Variants in SYT10 observed in about 807,000 individuals in gnomAD.
SYT10 encodes synaptotagmin 10, also known as synaptotagmin-10.
In SYT10, 31 loss-of-function variants were observed where a neutral mutation model predicts 51.1. The observed-to-expected ratio is 0.61, with a 90% CI of 0.46 to 0.82. The LOEUF (loss-of-function observed/expected upper bound fraction) is 0.82, where lower values mean the gene tolerates loss of function less well. SYT10 is among the 40% of genes least tolerant of loss of function. The probability of loss-of-function intolerance (pLI) is 0.00; values close to 1 mark genes in which losing one functional copy is unlikely to be tolerated. For missense variants in SYT10, 603 were observed against 634.0 expected (o/e 0.95, Z 0.53); for synonymous variants, 233 against 225.9 (o/e 1.03, Z -0.28).
intron 1 of SYT10, among the ~76,000 whole-genome samples, chr12:33,433,289 C>T (rs1204554708): frequency 2.0e-5 from 3 of 152,168 alleles, no homozygotes; most frequent in Admixed American, 1.3e-4. Context: ...TGACTCTCAG[C>T]TCTTTTTCAG....
rs1034313231 is a variant in SYT10 at position 33,374,604 on chromosome 12, A to T, written c.*2226T>A. Reference sequence around the variant, plus strand: ...AAACCTACCTCCTGAATTACATGAAAGATGAGTTGTGGTGAATTTCCTCTC... The same window carrying T: ...AAACCTACCTCCTGAATTACATGAATGATGAGTTGTGGTGAATTTCCTCTC... On this transcript the variant is annotated 3_prime_UTR_variant, in exon 7 of 7. Coordinates refer to ENST00000228567, the MANE Select transcript of SYT10 (RefSeq NM_198992.4). The T allele has an allele frequency of 6.6e-6, 1 of 151,990 alleles. No homozygotes were observed. The highest frequency in any genetic ancestry group is 2.4e-5 in the African/African-American group (1 of 41,454). The allele number at this position is 151,990 out of a possible 1,614,324, so 9.4% of individuals were successfully genotyped here.
chr12:33,439,278 G>A lies in SYT10; in HGVS notation c.151+94C>T, dbSNP rs1017101232. 2.2e-4 allele frequency: 327 copies of A among 1,465,680 alleles called. 3 individuals carry two copies. Among genetic ancestry groups the A allele is most frequent in the Admixed American group, 4.8e-4 (22 of 45,506 alleles). The allele number at this position is 1,465,680 out of a possible 1,614,324, so 90.8% of individuals were successfully genotyped here. On this transcript the variant is annotated intron_variant, in intron 1 of 6. Coordinates refer to ENST00000228567, the MANE Select transcript of SYT10 (RefSeq NM_198992.4). ...GCGTGGCGCCCCAAATATGCCGCGGGAGCGGCGCGGGAGGCGCAGAACCCC... is the reference window on the plus strand; with the variant it reads ...GCGTGGCGCCCCAAATATGCCGCGGAAGCGGCGCGGGAGGCGCAGAACCCC...
chr12:33,389,386 A>G (rs572408726), intron 3 of SYT10, among the ~76,000 whole-genome samples: 2 of 152,336 alleles, frequency 1.3e-5, no homozygotes, highest in South Asian at 2.1e-4. Flanking sequence ...TAAAATGAAG[A>G]CTATAATAAG....
chr12:33,399,256 A>G (rs1240963479), intron 3 of SYT10, among the ~76,000 whole-genome samples: 1 of 152,226 alleles, frequency 6.6e-6, no homozygotes, highest in East Asian at 1.9e-4. Flanking sequence ...TATCACTGGA[A>G]GCACATATCG....
chr12:33,405,037 C>A (rs1461892154), intron 3 of SYT10: 1 of 152,000 alleles, frequency 6.6e-6, no homozygotes, highest in Non-Finnish European at 1.5e-5. Context: ...AAATCACAAT[C>A]TCCTAGTCGA....
chr12:33,409,928 T>C (rs904694916), intron 2 of SYT10, among the ~76,000 whole-genome samples: 4 of 152,122 alleles, frequency 2.6e-5, no homozygotes, highest in African/African-American at 9.7e-5. Flanking sequence ...CATGACAGCA[T>C]TTAGGAATTT....
chr12:33,420,287 A>G (rs1206852031), intron 2 of SYT10, among the ~76,000 whole-genome samples: 1 of 152,160 alleles, frequency 6.6e-6, no homozygotes, highest in Non-Finnish European at 1.5e-5. Flanking sequence ...CATCATAAAC[A>G]TTTACTAGGA....
intron 2 of SYT10, among the ~76,000 whole-genome samples, chr12:33,412,664 C>T (rs1866417031): frequency 6.6e-6 from 1 of 152,074 alleles, no homozygotes; most frequent in African/African-American, 2.4e-5. Context: ...AAAGGACATC[C>T]ACACCAAAAC....
chr12:33,415,221 A>G (rs772137823), intron 2 of SYT10, among the ~76,000 whole-genome samples: 7 of 152,204 alleles, frequency 4.6e-5, no homozygotes, highest in Non-Finnish European at 7.3e-5. Flanking sequence ...GTTCTTTTAC[A>G]GTTTTTGAGA....
At chr12:33,425,266 T>G (rs1866540795) in intron 2 of SYT10, among the ~76,000 whole-genome samples, 1 of 152,128 alleles carries the variant, frequency 6.6e-6, no homozygotes. Flanking sequence ...AAGAGACCAT[T>G]GATTTTACCC....
intron 2 of SYT10, among the ~76,000 whole-genome samples, chr12:33,413,113 C>T (rs538282900): frequency 3.9e-5 from 6 of 151,914 alleles, no homozygotes; most frequent in East Asian, 3.9e-4. Flanking sequence ...TGAAATGAAG[C>T]GAGAAGAGAA....
chr12:33,409,600 G>T (rs11052685), intron 2 of SYT10, among the ~76,000 whole-genome samples: 1 of 150,830 alleles, frequency 6.6e-6, no homozygotes, highest in African/African-American at 2.5e-5. Flanking sequence ...TGCGAGCTCC[G>T]CCTCCCAGGT....
chr12:33,384,452 T>C (rs1343676), intron 4 of SYT10, among the ~76,000 whole-genome samples: 66,514 of 151,844 alleles, frequency 0.44, 15,463 homozygotes, highest in Middle Eastern at 0.56. Context: ...TATTTCTGTT[T>C]ACTACAACAA....
At chr12:33,437,866 G>A (rs752889922) in intron 1 of SYT10, among the ~76,000 whole-genome samples, 1 of 152,058 alleles carries the variant, frequency 6.6e-6, no homozygotes, top group African/African-American at 2.4e-5. Context: ...CTTCCACTGA[G>A]TTTCATACAC....
intron 3 of SYT10, among the ~76,000 whole-genome samples, chr12:33,400,764 G>A (rs966454188): frequency 2.6e-5 from 4 of 152,094 alleles, no homozygotes; most frequent in Admixed American, 6.6e-5. Context: ...GGTGGCTCAC[G>A]CCTGTAATCC....
intron 3 of SYT10, among the ~76,000 whole-genome samples, chr12:33,392,985 T>TAAAAAAAAAAAAAAAAAAAA (rs71068378): frequency 3.4e-5 from 2 of 59,088 alleles, no homozygotes; most frequent in Non-Finnish European, 5.4e-5. Flanking sequence ...TTTTTGCCAT[T>TAAAAAAAAAAAAAAAAAAAA]AAAAAAAAAA....
chr12:33,387,684 A>G (rs567332789), intron 3 of SYT10, among the ~76,000 whole-genome samples: 47 of 152,310 alleles, frequency 3.1e-4, no homozygotes, highest in Admixed American at 2.5e-3. Flanking sequence ...AGAGGGTTGA[A>G]GAAAAACAGA....
intron 3 of SYT10, among the ~76,000 whole-genome samples, chr12:33,386,702 T>A (rs571263671): frequency 2.4e-4 from 37 of 152,238 alleles, no homozygotes; most frequent in Admixed American, 1.0e-3. Flanking sequence ...CATCTTTAAA[T>A]TCTTTTTTGT....
intron 3 of SYT10, among the ~76,000 whole-genome samples, chr12:33,395,171 G>C (rs1375395704): frequency 6.6e-6 from 1 of 152,098 alleles, no homozygotes; most frequent in Non-Finnish European, 1.5e-5. Context: ...TTGTTTTTGT[G>C]GTCTTAGATT....
Sources: gnomAD v4.1 joint callset for allele counts (sites outside exome capture counted in the v4.1 genomes callset) on GRCh38, gnomAD v4.1.1 for gene constraint, MANE v1.5 for transcripts, NCBI Gene and HGNC (gene_info 2026-07-23, HGNC 2026-07-21) for gene names.